GDA: variants seen among roughly 807,000 people sequenced by gnomAD.
GDA encodes the protein cytoplasmic PSD-95 interactor.
In GDA, 18 loss-of-function variants were observed where a neutral mutation model predicts 59.6. The ratio of observed to expected loss-of-function variants is 0.30; its 90% CI spans 0.21 to 0.45. GDA has a LOEUF of 0.45. Among genes scored for constraint, GDA ranks in the 20% least tolerant of loss-of-function variants. The pLI is 1.00. For missense variants in GDA, 427 were observed against 552.3 expected, an observed-to-expected ratio of 0.77 and a Z score of 2.27; for synonymous variants, 201 against 201.1, an observed-to-expected ratio of 1.00 and a Z score of 0.00.
intron 7 of GDA, among the ~76,000 whole-genome samples, chr9:72,224,594 T>C (rs1837312340): frequency 6.6e-6 from 1 of 152,162 alleles, no homozygotes; most frequent in Non-Finnish European, 1.5e-5. Flanking sequence ...CCGTGGAATT[T>C]TCTAGCTCAG....
chr9:72,129,931 A>G (rs2130610040), intron 1 of GDA, among the ~76,000 whole-genome samples: 1 of 152,324 alleles, frequency 6.6e-6, no homozygotes. Context: ...AAGATGAGAT[A>G]AGACCAACCT....
intron 10 of GDA, among the ~76,000 whole-genome samples, chr9:72,236,407 A>G (rs987277909): frequency 8.6e-5 from 13 of 151,938 alleles, no homozygotes; most frequent in Non-Finnish European, 1.8e-4. Flanking sequence ...TAAACTTTCT[A>G]CCCCAACTTC....
intron 1 of GDA, among the ~76,000 whole-genome samples, chr9:72,184,526 C>CT (rs1296254359): frequency 2.0e-5 from 3 of 152,122 alleles, no homozygotes; most frequent in Non-Finnish European, 4.4e-5. Context: ...ATTTTCGTGG[C>CT]TTAATAGCTC....
chr9:72,226,387 GA>G (rs1707155601), intron 8 of GDA, among the ~76,000 whole-genome samples: 2 of 152,106 alleles, frequency 1.3e-5, no homozygotes, highest in Non-Finnish European at 2.9e-5. Context: ...TGCTTACTTA[GA>G]AAAAAACTGT....
intron 1 of GDA, among the ~76,000 whole-genome samples, chr9:72,152,985 A>T (rs1827411656): frequency 1.3e-5 from 2 of 152,256 alleles, no homozygotes; most frequent in Admixed American, 1.3e-4. Flanking sequence ...TAAGGAAGGG[A>T]TCCAGTTTCA....
intron 1 of GDA, among the ~76,000 whole-genome samples, chr9:72,139,557 C>T (rs1040824778): frequency 6.6e-6 from 1 of 152,148 alleles, no homozygotes; most frequent in Non-Finnish European, 1.5e-5. Flanking sequence ...CAGTAGCTTA[C>T]ACCTGTAATC....
chr9:72,205,850 C>T (rs1834626955), intron 3 of GDA, among the ~76,000 whole-genome samples: 1 of 152,184 alleles, frequency 6.6e-6, no homozygotes, highest in South Asian at 2.1e-4. Context: ...TTCAATTTCT[C>T]ATTCACTAAA....
chr9:72,134,691 A>G (rs1156445545), intron 1 of GDA, among the ~76,000 whole-genome samples: 4 of 152,222 alleles, frequency 2.6e-5, no homozygotes, highest in Admixed American at 2.6e-4. Flanking sequence ...GGCGTGAGCC[A>G]CTGCACCTGG....
intron 1 of GDA, among the ~76,000 whole-genome samples, chr9:72,172,615 A>C (rs192029577): frequency 5.1e-4 from 78 of 152,296 alleles, no homozygotes; most frequent in African/African-American, 1.8e-3. Context: ...GGTTTGCGCT[A>C]GGACCTCCTC....
At chr9:72,181,515 G>T (rs1034440969) in intron 1 of GDA, among the ~76,000 whole-genome samples, 1 of 152,190 alleles carries the variant, frequency 6.6e-6, no homozygotes, top group African/African-American at 2.4e-5. Flanking sequence ...AGTAGAGACG[G>T]GGTTTCACCA....
chr9:72,123,680 T>G (rs1437461700), intron 1 of GDA, among the ~76,000 whole-genome samples: 1 of 151,542 alleles, frequency 6.6e-6, no homozygotes, highest in Non-Finnish European at 1.5e-5. Flanking sequence ...AGAGACAGGA[T>G]TTCTCCATGT....
chr9:72,207,456 A>G (rs1418653889), intron 3 of GDA, among the ~76,000 whole-genome samples: 1 of 152,220 alleles, frequency 6.6e-6, no homozygotes, highest in Non-Finnish European at 1.5e-5. Context: ...ATCCTGTCCT[A>G]TTCATCAAAG....
intron 1 of GDA, among the ~76,000 whole-genome samples, chr9:72,122,353 T>A (rs573594143): frequency 1.9e-4 from 29 of 152,286 alleles, no homozygotes; most frequent in Non-Finnish European, 3.7e-4. Context: ...TGAACCTTCC[T>A]TTCCTCAACT....
At chr9:72,236,936 C>T (rs528443526) in intron 10 of GDA, among the ~76,000 whole-genome samples, 2 of 152,152 alleles carry the variant, frequency 1.3e-5, no homozygotes, top group African/African-American at 4.8e-5. Context: ...TGCACCACCA[C>T]ATCCAGCTAA....
chr9:72,241,381 T>G (rs1587784715), intron 11 of GDA, 83 bp downstream of exon 11: 2 of 1,043,880 alleles, frequency 1.9e-6, no homozygotes, highest in East Asian at 4.8e-5. Flanking sequence ...GATGCATGAT[T>G]GGTATTAGGA....
intron 1 of GDA, among the ~76,000 whole-genome samples, chr9:72,188,575 G>A (rs979240709): frequency 1.3e-5 from 2 of 152,236 alleles, no homozygotes; most frequent in Non-Finnish European, 2.9e-5. Flanking sequence ...AGATTTCAAA[G>A]TATGTTGCAA....
intron 10 of GDA, among the ~76,000 whole-genome samples, chr9:72,238,160 A>C (rs1839228570): frequency 6.6e-6 from 1 of 152,136 alleles, no homozygotes. Flanking sequence ...CACCCTGGCT[A>C]TCTTTTATGA....
At chr9:72,177,089 CTGCT>C (rs1347404658) in intron 1 of GDA, among the ~76,000 whole-genome samples, 3 of 137,870 alleles carry the variant, frequency 2.2e-5, no homozygotes, top group African/African-American at 7.9e-5. Flanking sequence ...CCTTTATAAA[CTGCT>C]TTTTTTTTTT....
rs1226850704 is a variant in GDA, at chr9:72,225,357, G to C, written c.715-320G>C. The stretch of plus-strand genomic sequence containing the variant: ...TATCTTCAAGGAGGACTTCATATTT[G>C]TTCCAGCTGGAGGTCAGAATTTGAA... On this transcript the variant is annotated intron_variant, in intron 7 of 13. Coordinates refer to ENST00000358399, the MANE Select transcript of GDA (RefSeq NM_004293.5). Among the ~76,000 whole-genome samples the C allele has an allele frequency of 2.6e-5, 4 of 152,142 alleles. No homozygotes were observed. The East Asian group carries it at 7.7e-4, about 29-fold the overall frequency.
Sources: gnomAD v4.1 joint callset for allele counts (sites outside exome capture counted in the v4.1 genomes callset) on GRCh38, gnomAD v4.1.1 for gene constraint, MANE v1.5 for transcripts, NCBI Gene and HGNC (gene_info 2026-07-23, HGNC 2026-07-21) for gene names.